The following ITPR2 variants were observed in gnomAD, a reference collection of about 807,000 sequenced individuals.
ITPR2 encodes inositol 1,4,5-trisphosphate-gated calcium channel ITPR2.
A neutral mutation model predicts 317.1 loss-of-function variants in ITPR2; 207 were observed. The observed-to-expected ratio is 0.65, with a 90% CI of 0.58 to 0.73. ITPR2 has a LOEUF of 0.73. Ranked by LOEUF, ITPR2 falls within the 30% of genes least tolerant of loss-of-function variation. ITPR2 has a pLI of 0.00. For synonymous variants in ITPR2, 1,156 were observed against 1,149.1 expected (o/e 1.01, Z -0.12); for missense variants, 2,613 against 3,284.0 (o/e 0.80, Z 4.99).
intron 26 of ITPR2, among the ~76,000 whole-genome samples, chr12:26,606,490 G>C (rs1243110289): frequency 1.3e-5 from 2 of 150,500 alleles, no homozygotes; most frequent in African/African-American, 4.9e-5. Flanking sequence ...GGTGGCATCA[G>C]GGTTCTAGGC....
At chr12:26,720,651 GTTTCAGCCA>G (rs1948821775) in intron 5 of ITPR2, among the ~76,000 whole-genome samples, 1 of 152,144 alleles carries the variant, frequency 6.6e-6, no homozygotes, top group Non-Finnish European at 1.5e-5. Flanking sequence ...GTGGAAAGTT[GTTTCAGCCA>G]TGCTTTCTGA....
chr12:26,339,379 C>A lies in ITPR2; in HGVS notation c.*18G>T, dbSNP rs377248733. On this transcript the variant is annotated 3_prime_UTR_variant, in exon 57 of 57. Transcript: ENST00000381340. ...CAGGACACTGATGAAAGGCTAGTCACGGCTTCCCCCCATGGTATCAGTGTG... is the reference window on the plus strand; with the variant it reads ...CAGGACACTGATGAAAGGCTAGTCAAGGCTTCCCCCCATGGTATCAGTGTG... 6.2e-7 allele frequency: 1 copy of A among 1,604,182 alleles called. No individual in the cohort carries two copies. Among genetic ancestry groups the A allele is most frequent in the Non-Finnish European group, 8.5e-7 (1 of 1,171,318 alleles).
chr12:26,826,273 G>C (rs1951008575), intron 1 of ITPR2, among the ~76,000 whole-genome samples: 3 of 151,306 alleles, frequency 2.0e-5, no homozygotes, highest in Non-Finnish European at 4.4e-5. Flanking sequence ...TTTTAAAACT[G>C]TAATAAGAAC....
intron 22 of ITPR2, among the ~76,000 whole-genome samples, chr12:26,631,156 G>A (rs1946743582): frequency 1.3e-5 from 2 of 151,942 alleles, no homozygotes; most frequent in Admixed American, 6.6e-5. Flanking sequence ...CTCCAAATCT[G>A]GAATAAATGC....
chr12:26,536,852 C>T (rs572788024), intron 37 of ITPR2, among the ~76,000 whole-genome samples: 19 of 152,176 alleles, frequency 1.2e-4, no homozygotes, highest in African/African-American at 4.3e-4. Context: ...CTGATGTGGT[C>T]GTGATATAGT....
chr12:26,671,796 A>T (rs1197945374), intron 13 of ITPR2, among the ~76,000 whole-genome samples: 1 of 152,240 alleles, frequency 6.6e-6, no homozygotes, highest in Admixed American at 6.5e-5. Context: ...TGCTGTATTC[A>T]GGCAACCTAT....
At chr12:26,747,739 A>G (rs1346804382) in intron 2 of ITPR2, among the ~76,000 whole-genome samples, 1 of 152,190 alleles carries the variant, frequency 6.6e-6, no homozygotes, top group Admixed American at 6.5e-5. Context: ...GGTTCTTCCA[A>G]CAATGCTTTT....
chr12:26,785,300 T>G (rs1592129430), intron 2 of ITPR2, among the ~76,000 whole-genome samples: 1 of 28,468 alleles, frequency 3.5e-5, no homozygotes, highest in Admixed American at 4.9e-4. Context: ...GAGAGGGAGG[T>G]GGTGGGGGTC....
At chr12:26,346,824 T>C (rs1055505241) in intron 55 of ITPR2, among the ~76,000 whole-genome samples, 2 of 152,138 alleles carry the variant, frequency 1.3e-5, no homozygotes, top group Admixed American at 6.5e-5. Context: ...TGAGTCCCAG[T>C]TTCCTTATCT....
intron 1 of ITPR2, among the ~76,000 whole-genome samples, chr12:26,824,923 C>G (rs1273127745): frequency 6.6e-6 from 1 of 152,090 alleles, no homozygotes; most frequent in Admixed American, 6.5e-5. Context: ...TCAAAAGGCA[C>G]AGTTTTATTC....
chr12:26,568,910 T>C (rs149561648), intron 34 of ITPR2, among the ~76,000 whole-genome samples: 23 of 152,324 alleles, frequency 1.5e-4, no homozygotes, highest in Middle Eastern at 6.8e-3. Context: ...ACTCAAATTA[T>C]ACTGAGTGAA....
At chr12:26,698,193 T>G (rs1948385621) in intron 9 of ITPR2, among the ~76,000 whole-genome samples, 1 of 152,184 alleles carries the variant, frequency 6.6e-6, no homozygotes, top group South Asian at 2.1e-4. Context: ...GGTTACTCTA[T>G]CCATTGAAAT....
intron 35 of ITPR2, among the ~76,000 whole-genome samples, chr12:26,559,681 C>T (rs1418066267): frequency 6.6e-6 from 1 of 152,196 alleles, no homozygotes; most frequent in Non-Finnish European, 1.5e-5. Flanking sequence ...GGCCCCTTAT[C>T]TCATAATATT....
At chr12:26,586,039 T>A (rs912779521) in intron 32 of ITPR2, among the ~76,000 whole-genome samples, 3 of 152,254 alleles carry the variant, frequency 2.0e-5, no homozygotes, top group African/African-American at 4.8e-5. Context: ...CATTTTCTTA[T>A]TAAATTGTTA....
chr12:26,768,415 A>T (rs1290513649), intron 2 of ITPR2, among the ~76,000 whole-genome samples: 7 of 63,496 alleles, frequency 1.1e-4, no homozygotes, highest in South Asian at 1.1e-3. Flanking sequence ...AAAGTATAAT[A>T]AAAAAAAATT....
At chr12:26,596,329 A>G (rs571238723) in intron 31 of ITPR2, among the ~76,000 whole-genome samples, 2 of 152,194 alleles carry the variant, frequency 1.3e-5, no homozygotes, top group Non-Finnish European at 2.9e-5. Flanking sequence ...CTTCCACTAA[A>G]CTAGCAGTGG....
At chr12:26,657,596 T>A in intron 18 of ITPR2, 111 bp downstream of exon 18, 1 of 801,572 alleles carries the variant, frequency 1.2e-6, no homozygotes, top group Non-Finnish European at 2.0e-6. Flanking sequence ...AGTTCTGACA[T>A]GACTTTTAAA....
chr12:26,726,369 G>T (rs1486113659), intron 2 of ITPR2, among the ~76,000 whole-genome samples: 3 of 152,126 alleles, frequency 2.0e-5, no homozygotes, highest in Admixed American at 6.6e-5. Context: ...AATCATAGAG[G>T]AATATTATAG....
chr12:26,339,561 G>T, intron 56 of ITPR2, 78 bp from the exon 57 acceptor site: 1 of 1,045,994 alleles, frequency 9.6e-7, no homozygotes, highest in African/African-American at 1.6e-5. Context: ...ACCGTTTTGA[G>T]TTAATATTCC....
Sources: gnomAD v4.1 joint callset for allele counts (sites outside exome capture counted in the v4.1 genomes callset) on GRCh38, gnomAD v4.1.1 for gene constraint, MANE v1.5 for transcripts, NCBI Gene and HGNC (gene_info 2026-07-23, HGNC 2026-07-21) for gene names.